PPP1R26: variants seen among roughly 807,000 people sequenced by gnomAD.
PPP1R26 encodes 1A6/DRIM (down-regulated in metastasis) interacting protein.
Under a neutral mutation model 67.6 loss-of-function variants are expected in PPP1R26, and 22 were observed. The ratio of observed to expected loss-of-function variants is 0.33; its 90% CI spans 0.23 to 0.46. The LOEUF is 0.46. PPP1R26 is among the 20% of genes least tolerant of loss of function. The pLI is 1.00. For missense variants in PPP1R26, 1,602 were observed against 1,651.4 expected, an observed-to-expected ratio of 0.97 and a Z score of 0.52; for synonymous variants, 729 against 717.2, an observed-to-expected ratio of 1.02 and a Z score of -0.26.
chr9:135,479,434 C>T (rs1254267133), upstream of PPP1R26, among the ~76,000 whole-genome samples: 3 of 151,236 alleles, frequency 2.0e-5, no homozygotes, highest in Non-Finnish European at 4.4e-5. This position sits in a 1 kb window ranked among gnomAD's most constrained non-coding sequence, Gnocchi z 5.9. Flanking sequence ...CCGGCGACCC[C>T]GCGCCCCCTG....
intron 1 of PPP1R26, 134 bp from the exon 2 acceptor site, chr9:135,482,549 G>A (rs1830555375): frequency 2.5e-6 from 1 of 395,068 alleles, no homozygotes; most frequent in Non-Finnish European, 4.5e-6. Flanking sequence ...GTGGTTAAAT[G>A]TCTTAGAGTA....
Position 135,485,310 on chromosome 9 carries a change from A to C in PPP1R26, c.800A>C (p.His267Pro), listed in dbSNP as rs1174597026. The C allele has an allele frequency of 1.9e-6, 3 of 1,612,894 alleles. No homozygotes were observed. In the African/African-American group the frequency reaches 4.0e-5, roughly 22 times the overall value. Residue 267 changes from histidine to proline, a missense_variant, in exon 4 of 4, where the codon CAC becomes CCC. Coordinates refer to ENST00000356818, the MANE Select transcript of PPP1R26 (RefSeq NM_014811.5). This position sits in a 1 kb window ranked among gnomAD's most constrained non-coding sequence, Gnocchi z 7.2. Reference protein sequence around the residue: ...ENSAKSLLKSHQEPPTKVVHR... With the variant: ...ENSAKSLLKSPQEPPTKVVHR... The stretch of plus-strand genomic sequence containing the variant: ...TCCGCCAAGTCACTCTTGAAATCCC[A>C]CCAAGAGCCGCCTACAAAGGTGGTG...
chr9:135,484,609 G>A lies in PPP1R26; in HGVS notation c.99G>A (p.Glu33=), dbSNP rs1346343819. Reference sequence around the variant, plus strand: ...GTAGGTTCCCCAGGTGCTTCTCGGAGGCTGACGAGGGCGTGGAGAGCGCGT... The same window carrying A: ...GTAGGTTCCCCAGGTGCTTCTCGGAAGCTGACGAGGGCGTGGAGAGCGCGT... ...GSCRFPRCFS[E]ADEGVESASV... The change falls in exon 4 of 4, where the codon GAG becomes GAA. Residue 33 remains glutamate, a synonymous_variant. Transcript: ENST00000356818. The A allele has an allele frequency of 6.2e-7, 1 of 1,612,394 alleles. No homozygotes were observed. The highest frequency in any genetic ancestry group is 2.2e-5 in the East Asian group (1 of 44,886).
At chr9:135,484,308 C>T (rs550497187) in intron 3 of PPP1R26, 141 bp from the exon 4 acceptor site, 1 of 585,126 alleles carries the variant, frequency 1.7e-6, no homozygotes, top group East Asian at 2.9e-5. Flanking sequence ...TGCAAGGACA[C>T]CCAGCTAGCT....
In PPP1R26 at chr9:135,485,965, A is replaced by C. The variant is rs1189353410; in HGVS notation, c.1455A>C (p.Glu485Asp). 1 of 1,613,348 alleles carries C rather than the reference A, an allele frequency of 6.2e-7. No homozygotes were observed. The highest frequency in any genetic ancestry group is 1.7e-5 in the Admixed American group (1 of 60,028). Residue 485 changes from glutamate to aspartate, a missense_variant, in exon 4 of 4, where the codon GAA becomes GAC. By Grantham distance (45) the Glu-to-Asp change is conservative. This residue lies in a region of PPP1R26 where 680 missense variants were observed against 726.1 expected (regional missense o/e 0.94). Coordinates refer to ENST00000356818, the MANE Select transcript of PPP1R26 (RefSeq NM_014811.5). The surrounding 1 kb of genome is among the most constrained non-coding windows in gnomAD (Gnocchi z 7.2). ...ADTSAELMCA[E>D]AILDISKTIL... ...CATCTGCTGAGCTGATGTGTGCAGA[A>C]GCAATCCTGGACATCTCCAAGACGA...
Position 135,484,945 on chromosome 9 carries a change from T to C in PPP1R26, c.435T>C (p.Ser145=), listed in dbSNP as rs780405450. 1.8e-5 allele frequency: 29 copies of C among 1,578,556 alleles called. No homozygotes were observed. In the South Asian group the frequency reaches 2.2e-4, roughly 12 times the overall value. The change falls in exon 4 of 4, where the codon AGT becomes AGC. Residue 145 remains serine, a synonymous_variant. Coordinates refer to ENST00000356818, the MANE Select transcript of PPP1R26 (RefSeq NM_014811.5). ...TCCAGGAGTACCTGAAGGCAAAGAG[T>C]GGAGCCGCACAGCCCGGGGCCGGCG... The part of the protein sequence containing the change: ...EAIQEYLKAK[S]GAAQPGAGGA...
rs1830638818 is a variant in PPP1R26 at position 135,484,624 on chromosome 9, G to C, written c.114G>C (p.Val38=). Residue 38 remains valine (V), a synonymous_variant, in exon 4 of 4, where the codon GTG becomes GTC. Transcript: ENST00000356818. ...GCTTCTCGGAGGCTGACGAGGGCGT[G>C]GAGAGCGCGTCGGTGAGCGCCCGGG... ...PRCFSEADEG[V]ESASVSARVQ... is the part of the protein sequence containing the mutation. 6.2e-7 allele frequency: 1 copy of C among 1,612,024 alleles called. No homozygotes were observed. The highest frequency in any genetic ancestry group is 8.5e-7 in the Non-Finnish European group (1 of 1,180,016).
intron 1 of PPP1R26, chr9:135,480,573 G>A (rs2119225783): frequency 6.6e-6 from 1 of 152,404 alleles, no homozygotes. Flanking sequence ...CCCTCGGGGA[G>A]GGGAGCTCCC....
upstream of PPP1R26, chr9:135,479,660 G>T (rs1766380966): frequency 6.9e-6 from 1 of 145,848 alleles, no homozygotes; most frequent in South Asian, 2.1e-4. The surrounding 1 kb of genome is among the most constrained non-coding windows in gnomAD (Gnocchi z 5.9). Flanking sequence ...ACTCGGCCGT[G>T]CCATTCCCAT....
At chr9:135,481,240 T>G (rs931075207) in intron 1 of PPP1R26, among the ~76,000 whole-genome samples, 11 of 149,016 alleles carry the variant, frequency 7.4e-5, no homozygotes, top group Admixed American at 4.0e-4. Context: ...TTTCTTGTTT[T>G]TTTTTTTTTT....
rs1285784400 is a variant in PPP1R26 at position 135,487,953 on chromosome 9, A to G, written c.3443A>G (p.Lys1148Arg). 4 of 1,593,446 alleles carry G rather than the reference A, an allele frequency of 2.5e-6. No individual in the cohort carries two copies. The African/African-American group carries it at 5.4e-5, about 22-fold the overall frequency. Residue 1148 changes from lysine (K) to arginine (R), a missense_variant, in exon 4 of 4, where the codon AAG becomes AGG. Around this residue, in one of 5 missense-constraint regions of PPP1R26, gnomAD observed 740 missense variants for 696.3 expected, o/e 1.06. Coordinates refer to ENST00000356818, the MANE Select transcript of PPP1R26 (RefSeq NM_014811.5). ...GACGGCGGCCCCTGGCCAACCAGGAAGGCACAGGCAGGGCTGAGTTTGCAT... is the reference window on the plus strand; with the variant it reads ...GACGGCGGCCCCTGGCCAACCAGGAGGGCACAGGCAGGGCTGAGTTTGCAT... ...KKDGGPWPTR[K>R]AQAGLSLHDR...
At position 135,487,542 on chromosome 9, in the gene PPP1R26, C is replaced by G. The variant is rs770647575; in HGVS notation, c.3032C>G (p.Pro1011Arg). 2 of 1,584,154 alleles carry G rather than the reference C, an allele frequency of 1.3e-6. No individual in the cohort carries two copies. Among genetic ancestry groups the G allele is most frequent in the South Asian group, 2.3e-5 (2 of 88,022 alleles). The change falls in exon 4 of 4, where the codon CCG becomes CGG. Residue 1011 changes from proline to arginine, a missense_variant. Physicochemically the swap from Pro to Arg is moderately radical, Grantham distance 103. Transcript: ENST00000356818. ...CGSPSFLTPS[P>R]GAERDAGAQA... is the part of the protein sequence containing the mutation. ...AGCCCGAGCTTCCTGACCCCCAGCC[C>G]GGGAGCGGAGAGGGACGCTGGAGCC...
intron 1 of PPP1R26, chr9:135,480,376 C>G (rs980873180): frequency 6.6e-6 from 1 of 152,202 alleles, no homozygotes; most frequent in Admixed American, 6.5e-5. Context: ...GGTTCACGCC[C>G]TGCGCCAGGC....
At chr9:135,479,334 A>G (rs1021622633), upstream of PPP1R26, among the ~76,000 whole-genome samples, 2 of 151,568 alleles carry the variant, frequency 1.3e-5, no homozygotes, top group Admixed American at 1.3e-4. This position sits in a 1 kb window ranked among gnomAD's most constrained non-coding sequence, Gnocchi z 5.9. Flanking sequence ...AACTTCGGGG[A>G]GGAACTCGGT....
At position 135,487,844 on chromosome 9, in the gene PPP1R26, C is replaced by T; in HGVS notation, c.3334C>T (p.Gln1112Ter). Residue 1112 changes from glutamine to a stop codon, truncating the protein, a stop_gained, in exon 4 of 4, where the codon CAG (glutamine) becomes TAG (stop). Coordinates refer to ENST00000356818, the MANE Select transcript of PPP1R26 (RefSeq NM_014811.5). LOFTEE classifies it high-confidence loss of function. Reference protein sequence around the residue: ...LFSPHLGLPLQGPSFSAFREA... With the variant: ...LFSPHLGLPL ...CAGCCCCCACCTGGGGCTGCCTCTG[C>T]AGGGCCCCTCCTTCTCGGCCTTCAG... 6.3e-7 allele frequency: 1 copy of T among 1,594,860 alleles called. No homozygotes were observed. The highest frequency in any genetic ancestry group is 1.1e-5 in the South Asian group (1 of 88,872).
Position 135,485,319 on chromosome 9 carries a change from C to T in PPP1R26, c.809C>T (p.Pro270Leu), listed in dbSNP as rs1219817205. Residue 270 changes from proline to leucine, a missense_variant, in exon 4 of 4, where the codon CCG (proline) becomes CTG (leucine). By Grantham distance (98) the Pro-to-Leu change is moderately conservative. Transcript: ENST00000356818. The surrounding 1 kb of genome is among the most constrained non-coding windows in gnomAD (Gnocchi z 7.2). ...AKSLLKSHQE[P>L]PTKVVHRQGL... Reference sequence around the variant, plus strand: ...TCACTCTTGAAATCCCACCAAGAGCCGCCTACAAAGGTGGTGCATCGGCAG... The same window carrying T: ...TCACTCTTGAAATCCCACCAAGAGCTGCCTACAAAGGTGGTGCATCGGCAG... 5 of 1,613,092 alleles carry T rather than the reference C, an allele frequency of 3.1e-6. No homozygotes were observed. Among genetic ancestry groups the T allele is most frequent in the Admixed American group, 3.3e-5 (2 of 60,026 alleles).
In PPP1R26 at chr9:135,485,865, A is replaced by T; in HGVS notation, c.1355A>T (p.Glu452Val). 1 of 1,613,432 alleles carries T rather than the reference A, an allele frequency of 6.2e-7. No homozygotes were observed. Among genetic ancestry groups the T allele is most frequent in the Non-Finnish European group, 8.5e-7 (1 of 1,180,008 alleles). The change falls in exon 4 of 4, where the codon GAA becomes GTA. Residue 452 changes from glutamate to valine, a missense_variant. Physicochemically the swap from Glu to Val is moderately radical, Grantham distance 121 (BLOSUM62 -2). Transcript: ENST00000356818. This position sits in a 1 kb window ranked among gnomAD's most constrained non-coding sequence, Gnocchi z 7.2. ...DTDHAPKLLKETKAPPPASPA... is the reference protein window; with the variant it reads ...DTDHAPKLLKVTKAPPPASPA... ...GACCATGCCCCCAAGCTCCTGAAGG[A>T]AACCAAAGCTCCACCTCCAGCGAGC...
intron 1 of PPP1R26, among the ~76,000 whole-genome samples, chr9:135,481,985 A>G (rs975756497): frequency 1.9e-4 from 29 of 152,226 alleles, no homozygotes; most frequent in African/African-American, 7.0e-4. Context: ...CTGGGTGTCC[A>G]GGCCTTCTCT....
rs1335733931 is a variant in PPP1R26, at chr9:135,482,827, T to C, written c.-196+12T>C. On this transcript the variant is annotated intron_variant, in intron 2 of 3. Transcript: ENST00000356818. Reference sequence around the variant, plus strand: ...TCACAGAATTTCAAGTAATTTCAAGTAATTCTTGTATTTTAGTTTCCCTTG... The same window carrying C: ...TCACAGAATTTCAAGTAATTTCAAGCAATTCTTGTATTTTAGTTTCCCTTG... 1 of 398,406 alleles carries C rather than the reference T, an allele frequency of 2.5e-6. No individual in the cohort carries two copies. The highest frequency in any genetic ancestry group is 3.6e-5 in the East Asian group (1 of 28,088). 24.7% of individuals were successfully genotyped at this position (398,406 alleles called of 1,614,324 possible).
Sources: gnomAD v4.1 joint callset for allele counts (sites outside exome capture counted in the v4.1 genomes callset) on GRCh38, gnomAD v4.1.1 for gene constraint, gnomAD v4.1.1 regional missense constraint, Gnocchi (gnomAD v3.1) non-coding constraint, MANE v1.5 for transcripts, NCBI Gene and HGNC (gene_info 2026-07-23, HGNC 2026-07-21) for gene names.